EPHA7: variants seen among roughly 807,000 people sequenced by gnomAD.
EPHA7 encodes the protein ephrin type-A receptor 7.
In EPHA7, 25 loss-of-function variants were observed where a neutral mutation model predicts 112.6. That is an observed-to-expected ratio of 0.22 (90% confidence interval 0.16 to 0.31). The LOEUF (loss-of-function observed/expected upper bound fraction) is 0.31. Among genes scored for constraint, EPHA7 ranks in the 10% least tolerant of loss-of-function variants. The pLI is 1.00. For missense variants in EPHA7, 962 were observed against 1,212.6 expected (o/e 0.79, Z 3.07); for synonymous variants, 437 against 406.5 (o/e 1.07, Z -0.90).
At chr6:93,358,453 A>AATCG (rs1217029578) in intron 3 of EPHA7, 42 bp from the exon 4 acceptor site, 5 of 1,523,626 alleles carry the variant, frequency 3.3e-6, no homozygotes, top group Non-Finnish European at 4.4e-6. Context: ...CATGAGAGCA[A>AATCG]ATCGATCTTT....
intron 16 of EPHA7, among the ~76,000 whole-genome samples, chr6:93,244,332 C>A (rs1195808249): frequency 2.0e-5 from 3 of 151,984 alleles, no homozygotes; most frequent in Non-Finnish European, 4.4e-5. Context: ...GAAAACTGAA[C>A]AAAATAGCAT....
chr6:93,315,998 T>C (rs75859444), intron 5 of EPHA7, among the ~76,000 whole-genome samples: 11,137 of 152,204 alleles, frequency 0.073, 471 homozygotes, highest in South Asian at 0.16. Context: ...TTCCTCTAAG[T>C]CAAAGAAATG....
intron 5 of EPHA7, among the ~76,000 whole-genome samples, chr6:93,309,801 A>G (rs1773440013): frequency 6.6e-6 from 1 of 152,220 alleles, no homozygotes; most frequent in Non-Finnish European, 1.5e-5. Flanking sequence ...ATAACTTCTG[A>G]TGTTAAAGGC....
intron 5 of EPHA7, among the ~76,000 whole-genome samples, chr6:93,334,816 T>C (rs1774779256): frequency 6.6e-6 from 1 of 152,090 alleles, no homozygotes; most frequent in Non-Finnish European, 1.5e-5. Context: ...ATGAACATAT[T>C]TGCATGTTTC....
chr6:93,354,899 T>C (rs553771785), intron 5 of EPHA7, among the ~76,000 whole-genome samples: 11 of 152,230 alleles, frequency 7.2e-5, no homozygotes, highest in African/African-American at 2.6e-4. Context: ...TATTCAAAAA[T>C]AAAAATGTCA....
At chr6:93,249,472 C>T (rs1343554242) in intron 14 of EPHA7, among the ~76,000 whole-genome samples, 1 of 152,034 alleles carries the variant, frequency 6.6e-6, no homozygotes, top group African/African-American at 2.4e-5. Flanking sequence ...AAACTAATAA[C>T]TTCTGAAATT....
At chr6:93,325,815 C>T (rs781314928) in intron 5 of EPHA7, among the ~76,000 whole-genome samples, 10 of 151,272 alleles carry the variant, frequency 6.6e-5, no homozygotes, top group Middle Eastern at 3.2e-3. Context: ...GACTTCATAT[C>T]TTGAAAATTT....
chr6:93,252,791 T>G (rs1442114948), intron 14 of EPHA7, among the ~76,000 whole-genome samples: 1 of 151,864 alleles, frequency 6.6e-6, no homozygotes, highest in Non-Finnish European at 1.5e-5. Context: ...ATTAATTATT[T>G]TAGACCTCCT....
rs564465919 is a variant in EPHA7, at chr6:93,242,716, C to A, written c.*710G>T. On this transcript the variant is annotated 3_prime_UTR_variant, in exon 17 of 17. Coordinates refer to ENST00000369303, the MANE Select transcript of EPHA7 (RefSeq NM_004440.4). Reference sequence around the variant, plus strand: ...AAGATAGTGTGTTGTCTGATCTTTACAAAAAAATTCTTTTTAAAAAATATC... The same window carrying A: ...AAGATAGTGTGTTGTCTGATCTTTAAAAAAAAATTCTTTTTAAAAAATATC... 8 of 217,126 alleles carry A rather than the reference C, an allele frequency of 3.7e-5. No homozygotes were observed. The highest frequency in any genetic ancestry group is 7.4e-5 in the Non-Finnish European group (8 of 107,592). 13.4% of individuals were successfully genotyped at this position (217,126 alleles called of 1,614,324 possible).
intron 5 of EPHA7, among the ~76,000 whole-genome samples, chr6:93,343,738 C>A (rs1303791082): frequency 6.6e-6 from 1 of 151,588 alleles, no homozygotes; most frequent in Non-Finnish European, 1.5e-5. Flanking sequence ...ATCCATTCAT[C>A]CATTTCATCC....
At chr6:93,285,031 A>T (rs903014127) in intron 5 of EPHA7, among the ~76,000 whole-genome samples, 1 of 152,186 alleles carries the variant, frequency 6.6e-6, no homozygotes, top group Non-Finnish European at 1.5e-5. Context: ...TATCATTTCA[A>T]TTGCTCCAGG....
chr6:93,329,197 TAATA>T (rs2127898601), intron 5 of EPHA7, among the ~76,000 whole-genome samples: 1 of 151,536 alleles, frequency 6.6e-6, no homozygotes, highest in South Asian at 2.1e-4. Flanking sequence ...ATCTGCATTG[TAATA>T]ATATAAGTAA....
At chr6:93,356,199 T>C (rs1775934373) in intron 5 of EPHA7, among the ~76,000 whole-genome samples, 1 of 149,766 alleles carries the variant, frequency 6.7e-6, no homozygotes, top group Admixed American at 6.7e-5. Context: ...GGGTTTACAA[T>C]TTTATCTCCT....
At chr6:93,270,115 A>C (rs2127878603) in intron 6 of EPHA7, among the ~76,000 whole-genome samples, 1 of 151,810 alleles carries the variant, frequency 6.6e-6, no homozygotes, top group Admixed American at 6.6e-5. Context: ...AAATTCAGAT[A>C]ACACTACTAC....
At chr6:93,268,670 T>C (rs1307732957) in intron 7 of EPHA7, among the ~76,000 whole-genome samples, 1 of 151,658 alleles carries the variant, frequency 6.6e-6, no homozygotes, top group Admixed American at 6.6e-5. Flanking sequence ...GCAACAGCAG[T>C]GGTATTCAGG....
intron 5 of EPHA7, among the ~76,000 whole-genome samples, chr6:93,284,769 T>C (rs1040625794): frequency 1.3e-5 from 2 of 150,660 alleles, no homozygotes; most frequent in African/African-American, 4.9e-5. Flanking sequence ...CACCTCATGT[T>C]CTCACTCGTA....
chr6:93,284,759 C>T (rs1771972363), intron 5 of EPHA7, among the ~76,000 whole-genome samples: 1 of 151,684 alleles, frequency 6.6e-6, no homozygotes, highest in South Asian at 2.1e-4. Context: ...GAAACCCAAA[C>T]ACCTCATGTT....
At chr6:93,329,591 CT>C (rs1039296938) in intron 5 of EPHA7, among the ~76,000 whole-genome samples, 3 of 151,042 alleles carry the variant, frequency 2.0e-5, no homozygotes, top group Non-Finnish European at 3.0e-5. Context: ...TCTTTGTATA[CT>C]TTTTTTAAAA....
At chr6:93,398,926 A>T (rs1040556738) in intron 3 of EPHA7, among the ~76,000 whole-genome samples, 1 of 152,128 alleles carries the variant, frequency 6.6e-6, no homozygotes, top group South Asian at 2.1e-4. Context: ...AAACTAAAAC[A>T]CTGTCTCAAC....
Sources: gnomAD v4.1 joint callset for allele counts (sites outside exome capture counted in the v4.1 genomes callset) on GRCh38, gnomAD v4.1.1 for gene constraint, MANE v1.5 for transcripts, NCBI Gene and HGNC (gene_info 2026-07-23, HGNC 2026-07-21) for gene names.